The following MED13L variants were observed in gnomAD, a reference collection of about 807,000 sequenced individuals.
MED13L encodes mediator complex subunit 13L, also known as mediator of RNA polymerase II transcription subunit 13-like.
Under a neutral mutation model 220.9 loss-of-function variants are expected in MED13L, and 7 were observed. The observed-to-expected ratio is 0.03, with a 90% CI of 0.02 to 0.06. The LOEUF is 0.06. MED13L is among the 10% of genes least tolerant of loss of function. The pLI, the probability that MED13L is intolerant of heterozygous loss-of-function variation, is 1.00. For missense variants in MED13L, 1,965 were observed against 2,760.5 expected, an observed-to-expected ratio of 0.71 and a Z score of 6.46; for synonymous variants, 1,011 against 1,015.2, an observed-to-expected ratio of 1.00 and a Z score of 0.08.
intron 2 of MED13L, among the ~76,000 whole-genome samples, chr12:116,194,133 C>A (rs1033429586): frequency 6.6e-6 from 1 of 151,922 alleles, no homozygotes; most frequent in Non-Finnish European, 1.5e-5. Context: ...AAACAAAAAA[C>A]AAAAAAATAA....
In MED13L at chr12:115,961,009, G is replaced by A; in HGVS notation, c.*257C>T. On this transcript the variant is annotated 3_prime_UTR_variant, in exon 31 of 31. Transcript: ENST00000281928. ...ACCACTTCCTGGGGACCAGTGGTTGGGGCTACACACACCACCGCACTGGCT... is the reference window on the plus strand; with the variant it reads ...ACCACTTCCTGGGGACCAGTGGTTGAGGCTACACACACCACCGCACTGGCT... 2.0e-6 allele frequency: 1 copy of A among 502,704 alleles called. No individual in the cohort carries two copies. The highest frequency in any genetic ancestry group is 3.7e-6 in the Non-Finnish European group (1 of 273,204). The allele number at this position is 502,704 out of a possible 1,614,324, so 31.1% of individuals were successfully genotyped here.
Position 116,096,354 on chromosome 12 carries a change from CA to C in MED13L, c.479+314del, listed in dbSNP as rs537207957. On this transcript the variant is annotated intron_variant, in intron 4 of 30. Coordinates refer to ENST00000281928, the MANE Select transcript of MED13L (RefSeq NM_015335.5). ...TGGGTGACAGAGTGAGACACAGCCT[CA>C]AAAAAAAAAAAAAAAAAAAAAAAAA... 9.4e-3 allele frequency among the ~76,000 whole-genome samples: 222 copies of C among 23,520 alleles called. 1 individual carries two copies. Among genetic ancestry groups the C allele is most frequent in the South Asian group, 0.027 (10 of 368 alleles). 15.4% of individuals were successfully genotyped at this position (23,520 alleles called of 152,430 possible).
chr12:116,111,389 G>A (rs771037078), intron 3 of MED13L, 39 bp downstream of exon 3: 2 of 1,522,890 alleles, frequency 1.3e-6, no homozygotes, highest in East Asian at 4.5e-5. Flanking sequence ...CAATATACTT[G>A]GTTGTCTGCA....
rs181026062 is a variant in MED13L, at chr12:116,168,395, A to G, written c.311-56883T>C. On this transcript the variant is annotated intron_variant, in intron 2 of 30. Transcript: ENST00000281928. The stretch of plus-strand genomic sequence containing the variant: ...GAAGCTATTAACTGTCAAACACAAC[A>G]CTAGATAATAGAGAGAGGTATCACA... 3.3e-5 allele frequency among the ~76,000 whole-genome samples: 5 copies of G among 151,964 alleles called. No homozygotes were observed. The East Asian group carries it at 9.7e-4, about 29-fold the overall frequency.
chr12:116,046,460 T>C (rs1486041544), intron 4 of MED13L, among the ~76,000 whole-genome samples: 1 of 152,212 alleles, frequency 6.6e-6, no homozygotes, highest in Non-Finnish European at 1.5e-5. Context: ...TTTAATGGCT[T>C]TGTCTTTTGT....
chr12:116,233,963 TTG>T (rs907151433), intron 2 of MED13L, among the ~76,000 whole-genome samples: 3 of 152,146 alleles, frequency 2.0e-5, no homozygotes, highest in African/African-American at 7.2e-5. Flanking sequence ...TAAAACTAAC[TTG>T]TGTGTGTACC....
intron 2 of MED13L, among the ~76,000 whole-genome samples, chr12:116,184,050 TCTATC>T (rs1880719805): frequency 6.6e-6 from 1 of 152,128 alleles, no homozygotes; most frequent in African/African-American, 2.4e-5. Context: ...CCACCTACAA[TCTATC>T]CTCACTGTGC....
chr12:115,969,041 A>T lies in MED13L; in HGVS notation c.6124T>A (p.Leu2042Ile). 6.2e-7 allele frequency: 1 copy of T among 1,613,926 alleles called. No homozygotes were observed. Among genetic ancestry groups the T allele is most frequent in the Non-Finnish European group, 8.5e-7 (1 of 1,179,820 alleles). The change falls in exon 28 of 31, where the codon TTA becomes ATA. Residue 2042 changes from leucine (L) to isoleucine (I), a missense_variant. Physicochemically the swap from Leu to Ile is conservative, Grantham distance 5 (BLOSUM62 2). Around this residue, in one of 10 missense-constraint regions of MED13L, gnomAD observed 145 missense variants for 328.3 expected, o/e 0.44. Coordinates refer to ENST00000281928, the MANE Select transcript of MED13L (RefSeq NM_015335.5). ...GAGGAATGGAGGTTCCCAGTCATTA[A>T]TATGCCAATATCATTGTCCATATCA... is the stretch of plus-strand genomic sequence containing the variant. ...PDDMDNDIGILMTGNLHSSPN... is the reference protein window; with the variant it reads ...PDDMDNDIGIIMTGNLHSSPN...
At chr12:116,040,334 G>C (rs190310359) in intron 4 of MED13L, among the ~76,000 whole-genome samples, 2 of 152,264 alleles carry the variant, frequency 1.3e-5, no homozygotes, top group East Asian at 3.9e-4. Context: ...GAAGTTATAA[G>C]ATACTATTTG....
Position 116,062,488 on chromosome 12 carries a change from G to GTTT in MED13L, c.479+34178_479+34180dup, listed in dbSNP as rs56251325. Among the ~76,000 whole-genome samples, 127 of 97,348 alleles carry GTTT rather than the reference G, an allele frequency of 1.3e-3. 2 individuals carry two copies. The highest frequency in any genetic ancestry group is 0.013 in the Middle Eastern group (2 of 152). The allele number at this position is 97,348 out of a possible 152,430, so 63.9% of individuals were successfully genotyped here. On this transcript the variant is annotated intron_variant, in intron 4 of 30. Coordinates refer to ENST00000281928, the MANE Select transcript of MED13L (RefSeq NM_015335.5). ...ATAGTGTCTCTCTCTCTCTCTCTGT[G>GTTT]TTTTTTTTTTTTTTTTTTGAGATGG... is the stretch of plus-strand genomic sequence containing the variant.
chr12:115,959,148 TAAG>T lies in MED13L; in HGVS notation c.*2115_*2117del, dbSNP rs1875602952. On this transcript the variant is annotated 3_prime_UTR_variant, in exon 31 of 31. Coordinates refer to ENST00000281928, the MANE Select transcript of MED13L (RefSeq NM_015335.5). ...GACTTTTTCACACAGAAGTACATAA[TAAG>T]ATTTTTTAAAATCTATTGCCATTCA... 1.3e-5 allele frequency: 2 copies of T among 152,616 alleles called. No homozygotes were observed. The highest frequency in any genetic ancestry group is 2.9e-5 in the Non-Finnish European group (2 of 68,026). 9.5% of individuals were successfully genotyped at this position (152,616 alleles called of 1,614,324 possible).
At chr12:116,094,127 A>C (rs1437677920) in intron 4 of MED13L, among the ~76,000 whole-genome samples, 1 of 152,230 alleles carries the variant, frequency 6.6e-6, no homozygotes, top group Admixed American at 6.5e-5. Context: ...CAACTCAGGC[A>C]TGACTACTGA....
chr12:116,173,380 CAAG>C (rs1170830424), intron 2 of MED13L, among the ~76,000 whole-genome samples: 1 of 151,898 alleles, frequency 6.6e-6, no homozygotes, highest in African/African-American at 2.4e-5. Context: ...GAGACAAACT[CAAG>C]AAACTATGTT....
At chr12:116,104,791 G>C (rs1873406535) in intron 3 of MED13L, among the ~76,000 whole-genome samples, 2 of 152,146 alleles carry the variant, frequency 1.3e-5, no homozygotes, top group African/African-American at 4.8e-5. Context: ...ATTCTAAAAA[G>C]TTAAGAAAAT....
At chr12:116,133,202 CAG>C (rs1015644675) in intron 2 of MED13L, among the ~76,000 whole-genome samples, 12 of 152,126 alleles carry the variant, frequency 7.9e-5, no homozygotes, top group Non-Finnish European at 1.0e-4. Context: ...CCAATCTCAC[CAG>C]AGTTTGTTTT....
intron 2 of MED13L, among the ~76,000 whole-genome samples, chr12:116,158,906 T>C (rs1457333560): frequency 6.6e-6 from 1 of 152,202 alleles, no homozygotes; most frequent in Non-Finnish European, 1.5e-5. Flanking sequence ...GCAGTTCAAC[T>C]GTATTTAGAT....
chr12:116,129,905 T>TC (rs1350697306), intron 2 of MED13L, among the ~76,000 whole-genome samples: 27 of 130,520 alleles, frequency 2.1e-4, no homozygotes, highest in African/African-American at 7.6e-4. Context: ...TGAGACTCAG[T>TC]CTCAAAAAAA....
intron 1 of MED13L, among the ~76,000 whole-genome samples, chr12:116,257,288 C>G (rs1382824680): frequency 6.6e-6 from 1 of 152,178 alleles, no homozygotes; most frequent in African/African-American, 2.4e-5. Flanking sequence ...ACATGAGTGG[C>G]TCCTTCCCCC....
intron 1 of MED13L, among the ~76,000 whole-genome samples, chr12:116,273,732 A>T (rs1182083589): frequency 6.6e-6 from 1 of 152,244 alleles, no homozygotes; most frequent in Non-Finnish European, 1.5e-5. Flanking sequence ...ATAAAACATG[A>T]AAGTGGAGCA....
Sources: gnomAD v4.1 joint callset for allele counts (sites outside exome capture counted in the v4.1 genomes callset) on GRCh38, gnomAD v4.1.1 for gene constraint, gnomAD v4.1.1 regional missense constraint, MANE v1.5 for transcripts, NCBI Gene and HGNC (gene_info 2026-07-23, HGNC 2026-07-21) for gene names.